The following RFC1 variants were observed in gnomAD, a reference collection of about 807,000 sequenced individuals.
RFC1 encodes the protein A1 140 kDa subunit.
RFC1 carries 37 observed loss-of-function variants against 137.4 expected under a neutral mutation model. The ratio of observed to expected loss-of-function variants is 0.27; its 90% CI spans 0.21 to 0.35. RFC1 has a LOEUF of 0.35. RFC1 is among the 10% of genes least tolerant of loss of function. RFC1 has a pLI of 1.00. For synonymous variants in RFC1, 429 were observed against 455.7 expected (o/e 0.94, Z 0.75); for missense variants, 1,205 against 1,358.5 (o/e 0.89, Z 1.78).
At position 39,366,303 on chromosome 4, in the gene RFC1, C is replaced by T; in HGVS notation, c.-62G>A. On this transcript the variant is annotated 5_prime_UTR_variant, in exon 1 of 25. Transcript: ENST00000349703. ...GTGGGCCGGTTGAGGAATCTGTTATCGAGGCTCAGGATCCATTCGCGCCAA... is the reference window on the plus strand; with the variant it reads ...GTGGGCCGGTTGAGGAATCTGTTATTGAGGCTCAGGATCCATTCGCGCCAA... The T allele has an allele frequency of 2.0e-6, 3 of 1,493,298 alleles. No homozygotes were observed. Among genetic ancestry groups the T allele is most frequent in the South Asian group, 2.5e-5 (2 of 78,764 alleles). The allele number at this position is 1,493,298 out of a possible 1,614,324, so 92.5% of individuals were successfully genotyped here.
intron 4 of RFC1, among the ~76,000 whole-genome samples, chr4:39,336,057 C>T (rs1449647613): frequency 6.6e-6 from 1 of 152,130 alleles, no homozygotes; most frequent in Non-Finnish European, 1.5e-5. Flanking sequence ...CTTAGTGTCT[C>T]ATTATTTACT....
At chr4:39,363,942 C>T (rs1166226938) in intron 1 of RFC1, among the ~76,000 whole-genome samples, 1 of 146,740 alleles carries the variant, frequency 6.8e-6, no homozygotes, top group African/African-American at 2.5e-5. Context: ...AGGCCAGGCA[C>T]AGTGGCTCAT....
chr4:39,357,453 AT>A (rs1340988346), intron 1 of RFC1, among the ~76,000 whole-genome samples: 3 of 152,216 alleles, frequency 2.0e-5, no homozygotes, highest in Admixed American at 6.5e-5. Context: ...GGAAATAATT[AT>A]CTAATTTAAG....
chr4:39,312,041 G>A (rs1425188910), intron 11 of RFC1, among the ~76,000 whole-genome samples: 2 of 152,198 alleles, frequency 1.3e-5, no homozygotes, highest in Admixed American at 1.3e-4. Flanking sequence ...CCAGGTGACA[G>A]CTCTGGCCAA....
chr4:39,292,075 A>G, intron 22 of RFC1: 2 of 515,060 alleles, frequency 3.9e-6, no homozygotes, highest in Non-Finnish European at 3.5e-6. Context: ...TTTTCTACTT[A>G]CCTACATCAG....
intron 14 of RFC1, among the ~76,000 whole-genome samples, chr4:39,305,373 A>G (rs1738585004): frequency 6.6e-6 from 1 of 152,166 alleles, no homozygotes; most frequent in Non-Finnish European, 1.5e-5. Flanking sequence ...TTGGGAGTCC[A>G]AAGTGGATGG....
chr4:39,351,054 T>G (rs565904744), intron 2 of RFC1, among the ~76,000 whole-genome samples: 22 of 151,714 alleles, frequency 1.5e-4, no homozygotes, highest in Non-Finnish European at 4.4e-5. Context: ...ATCGAGACCA[T>G]CCTGGCTAAC....
chr4:39,364,260 C>G (rs55896062), intron 1 of RFC1, among the ~76,000 whole-genome samples: 1 of 48,480 alleles, frequency 2.1e-5, no homozygotes, highest in African/African-American at 3.8e-5. Flanking sequence ...ACGACACAGT[C>G]TGAGGGAAAA....
At chr4:39,319,318 TTA>T (rs928588514) in intron 9 of RFC1, among the ~76,000 whole-genome samples, 1 of 152,202 alleles carries the variant, frequency 6.6e-6, no homozygotes, top group African/African-American at 2.4e-5. Context: ...AGCCACTATG[TTA>T]TACTGCTTCA....
intron 23 of RFC1, among the ~76,000 whole-genome samples, chr4:39,290,445 C>A (rs901944711): frequency 6.6e-6 from 1 of 151,902 alleles, no homozygotes; most frequent in Non-Finnish European, 1.5e-5. Flanking sequence ...CACTTCAAGT[C>A]ATCATGTTTA....
At chr4:39,311,355 G>A in intron 12 of RFC1, 90 bp downstream of exon 12, 2 of 1,016,846 alleles carry the variant, frequency 2.0e-6, no homozygotes, top group Non-Finnish European at 2.9e-6. Context: ...TAATCTTTCA[G>A]CCAACAAGCC....
Position 39,356,269 on chromosome 4 carries a change from C to G in RFC1, c.4-4793G>C, listed in dbSNP as rs143369173. 5.3e-4 allele frequency among the ~76,000 whole-genome samples: 81 copies of G among 152,042 alleles called. 1 individual carries two copies. The highest frequency in any genetic ancestry group is 1.8e-3 in the African/African-American group (76 of 41,472). On this transcript the variant is annotated intron_variant, in intron 1 of 24. Transcript: ENST00000349703. ...CAAAAATTAGCCGAGCTTGGTGGTA[C>G]GTGCCTGTAATCCCAGCTACTCAGG... is the stretch of plus-strand genomic sequence containing the variant.
chr4:39,304,204 C>T (rs1738517174), intron 15 of RFC1, among the ~76,000 whole-genome samples: 1 of 152,212 alleles, frequency 6.6e-6, no homozygotes, highest in African/African-American at 2.4e-5. Context: ...CGGTCCTTAA[C>T]TTGAGCATCT....
chr4:39,339,625 ACATTGTAGATATCAT>A (rs1175504626), intron 4 of RFC1, among the ~76,000 whole-genome samples: 2 of 152,184 alleles, frequency 1.3e-5, no homozygotes, highest in Non-Finnish European at 1.5e-5. Flanking sequence ...AATTATTCAT[ACATTGTAGATATCAT>A]CCCCTTATCA....
chr4:39,298,901 G>T (rs965278685), intron 21 of RFC1, among the ~76,000 whole-genome samples: 1 of 152,142 alleles, frequency 6.6e-6, no homozygotes, highest in African/African-American at 2.4e-5. Context: ...GGCGGATCAC[G>T]AGGTCAGGAG....
intron 10 of RFC1, among the ~76,000 whole-genome samples, chr4:39,316,464 C>A (rs2859581): frequency 6.6e-6 from 1 of 152,158 alleles, no homozygotes; most frequent in Admixed American, 6.5e-5. Context: ...CCCTTCACAC[C>A]TGTTGAATCC....
At chr4:39,299,943 A>G (rs1307127556) in intron 21 of RFC1, 78 bp downstream of exon 21, 2 of 840,966 alleles carry the variant, frequency 2.4e-6, no homozygotes, top group Non-Finnish European at 4.0e-6. Flanking sequence ...ATAAAATAAA[A>G]TAAGTACAGC....
intron 9 of RFC1, among the ~76,000 whole-genome samples, chr4:39,320,058 T>C (rs1381984612): frequency 6.6e-6 from 1 of 152,140 alleles, no homozygotes; most frequent in Non-Finnish European, 1.5e-5. Flanking sequence ...CCCTAGAAAG[T>C]TCCTACCAAG....
intron 10 of RFC1, 82 bp from the exon 11 acceptor site, chr4:39,313,013 T>G: frequency 8.6e-7 from 1 of 1,160,482 alleles, no homozygotes; most frequent in African/African-American, 1.5e-5. Flanking sequence ...CTGCAGGAAG[T>G]TGATTTTTCT....
Sources: gnomAD v4.1 joint callset for allele counts (sites outside exome capture counted in the v4.1 genomes callset) on GRCh38, gnomAD v4.1.1 for gene constraint, MANE v1.5 for transcripts, NCBI Gene and HGNC (gene_info 2026-07-23, HGNC 2026-07-21) for gene names.